TAFA4: variants seen among roughly 807,000 people sequenced by gnomAD.
TAFA4 encodes the protein TAFA chemokine like family member 4.
Under a neutral mutation model 21.1 loss-of-function variants are expected in TAFA4, and 20 were observed. That is an observed-to-expected ratio of 0.95 (90% CI 0.67 to 1.38). TAFA4 has a LOEUF of 1.38. Ranked by LOEUF, TAFA4 falls within the 40% of genes most tolerant of loss-of-function variation. TAFA4 has a pLI of 0.00. For missense variants in TAFA4, 211 were observed against 180.9 expected (o/e 1.17, Z -0.95); for synonymous variants, 71 against 67.4 (o/e 1.05, Z -0.26).
intron 3 of TAFA4, among the ~76,000 whole-genome samples, chr3:68,790,431 T>C (rs1703341126): frequency 1.3e-5 from 2 of 152,112 alleles, no homozygotes; most frequent in African/African-American, 4.8e-5. Flanking sequence ...AGTCAAAATA[T>C]TTCAATAATT....
At chr3:68,888,869 C>T (rs2106961957) in intron 1 of TAFA4, among the ~76,000 whole-genome samples, 1 of 152,044 alleles carries the variant, frequency 6.6e-6, no homozygotes, top group South Asian at 2.1e-4. Flanking sequence ...TCTTCATAAT[C>T]CTACCTCTTA....
At chr3:68,893,254 A>G (rs1359908833) in intron 1 of TAFA4, among the ~76,000 whole-genome samples, 2 of 152,234 alleles carry the variant, frequency 1.3e-5, no homozygotes, top group Non-Finnish European at 2.9e-5. Context: ...TTTACATGAT[A>G]GGATCTAACT....
chr3:68,818,567 C>G (rs767092667), intron 3 of TAFA4, among the ~76,000 whole-genome samples: 1 of 152,184 alleles, frequency 6.6e-6, no homozygotes, highest in Non-Finnish European at 1.5e-5. Flanking sequence ...AAAGGAGACA[C>G]ATGTGACTCT....
At chr3:68,905,283 C>T (rs768950115) in intron 1 of TAFA4, among the ~76,000 whole-genome samples, 12 of 151,198 alleles carry the variant, frequency 7.9e-5, no homozygotes, top group Admixed American at 2.0e-4. Context: ...AATTCTCCTG[C>T]CTCAGCTTCC....
chr3:68,855,326 A>G (rs1705046929), intron 3 of TAFA4, among the ~76,000 whole-genome samples: 1 of 152,170 alleles, frequency 6.6e-6, no homozygotes, highest in Non-Finnish European at 1.5e-5. Context: ...TAATGGGAAG[A>G]CAATTTGGTT....
chr3:68,771,982 C>A (rs751214723), intron 3 of TAFA4, among the ~76,000 whole-genome samples: 1 of 151,792 alleles, frequency 6.6e-6, no homozygotes, highest in Non-Finnish European at 1.5e-5. Context: ...AAAAATGCAA[C>A]CAAATGAGGA....
intron 3 of TAFA4, among the ~76,000 whole-genome samples, chr3:68,833,095 C>T (rs1471626911): frequency 7.2e-5 from 11 of 152,196 alleles, no homozygotes; most frequent in Admixed American, 6.5e-4. Flanking sequence ...TACCATTCCT[C>T]CAGGTATAGT....
intron 5 of TAFA4, among the ~76,000 whole-genome samples, chr3:68,734,396 G>C (rs752849733): frequency 6.6e-6 from 1 of 152,020 alleles, no homozygotes; most frequent in African/African-American, 2.4e-5. Context: ...AAGGTAGTAC[G>C]ATACAGGAAA....
At chr3:68,811,566 G>A (rs1703839426) in intron 3 of TAFA4, among the ~76,000 whole-genome samples, 1 of 152,170 alleles carries the variant, frequency 6.6e-6, no homozygotes, top group Non-Finnish European at 1.5e-5. Flanking sequence ...CTGGAAGAAA[G>A]GGTATCAGTG....
At chr3:68,922,570 G>T (rs889737671) in intron 1 of TAFA4, among the ~76,000 whole-genome samples, 2 of 152,116 alleles carry the variant, frequency 1.3e-5, no homozygotes, top group African/African-American at 4.8e-5. Context: ...ATAGTCAATT[G>T]CTTGTAAGTT....
intron 3 of TAFA4, among the ~76,000 whole-genome samples, chr3:68,783,465 G>T (rs1703186166): frequency 6.6e-6 from 1 of 152,162 alleles, no homozygotes; most frequent in Non-Finnish European, 1.5e-5. Flanking sequence ...GAGATGAGGA[G>T]AGGCCTTCCA....
intron 3 of TAFA4, among the ~76,000 whole-genome samples, chr3:68,873,697 T>C (rs1034983214): frequency 2.6e-5 from 4 of 152,170 alleles, no homozygotes; most frequent in East Asian, 1.9e-4. Context: ...CAACCAGCCT[T>C]TGAAAGTGCC....
chr3:68,764,752 C>T (rs1179010217), intron 3 of TAFA4, among the ~76,000 whole-genome samples: 2 of 152,250 alleles, frequency 1.3e-5, no homozygotes, highest in East Asian at 3.9e-4. Flanking sequence ...CTCAGCAGGG[C>T]CACTAGTGGA....
intron 3 of TAFA4, among the ~76,000 whole-genome samples, chr3:68,859,590 T>C (rs2089304215): frequency 6.6e-6 from 1 of 152,304 alleles, no homozygotes; most frequent in East Asian, 1.9e-4. Flanking sequence ...ATTTCTCTTC[T>C]GGCCTTTTGA....
At chr3:68,787,842 G>T (rs145729724) in intron 3 of TAFA4, among the ~76,000 whole-genome samples, 2 of 152,166 alleles carry the variant, frequency 1.3e-5, no homozygotes, top group Admixed American at 6.5e-5. Context: ...GCTTCTAGAC[G>T]AGCACTCAAA....
intron 3 of TAFA4, among the ~76,000 whole-genome samples, chr3:68,806,234 TTAAG>T (rs1174087107): frequency 6.6e-6 from 1 of 152,196 alleles, no homozygotes; most frequent in East Asian, 1.9e-4. Flanking sequence ...CATTTTCTTG[TTAAG>T]TAAGGAGAAA....
intron 3 of TAFA4, among the ~76,000 whole-genome samples, chr3:68,769,214 C>T (rs1208687346): frequency 6.6e-6 from 1 of 152,140 alleles, no homozygotes; most frequent in African/African-American, 2.4e-5. Context: ...GTTGCACGCT[C>T]CTTATGAGAA....
intron 3 of TAFA4, among the ~76,000 whole-genome samples, chr3:68,819,274 T>TAAAA (rs59090610): frequency 8.4e-4 from 92 of 109,198 alleles, no homozygotes; most frequent in Non-Finnish European, 1.4e-3. Flanking sequence ...TGTCTTTAAT[T>TAAAA]AAAAAAAAAA....
chr3:68,771,330 G>A (rs1702952980), intron 3 of TAFA4, among the ~76,000 whole-genome samples: 1 of 152,218 alleles, frequency 6.6e-6, no homozygotes, highest in African/African-American at 2.4e-5. Flanking sequence ...AGAACATACT[G>A]TAACACACAT....
Sources: gnomAD v4.1 joint callset for allele counts (sites outside exome capture counted in the v4.1 genomes callset) on GRCh38, gnomAD v4.1.1 for gene constraint, MANE v1.5 for transcripts, NCBI Gene and HGNC (gene_info 2026-07-23, HGNC 2026-07-21) for gene names.